Variants in EMP1 observed in about 807,000 individuals in gnomAD.
EMP1 encodes epithelial membrane protein 1, also known as tumor-associated membrane protein.
Under a neutral mutation model 15.7 loss-of-function variants are expected in EMP1, and 5 were observed. The observed-to-expected ratio is 0.32, with a 90% CI of 0.17 to 0.67. The LOEUF (loss-of-function observed/expected upper bound fraction) is 0.67, where lower values mean the gene tolerates loss of function less well. Ranked by LOEUF, EMP1 falls within the 30% of genes least tolerant of loss-of-function variation. The probability of loss-of-function intolerance (pLI) is 0.74; values close to 1 mark genes in which losing one functional copy is unlikely to be tolerated. For missense variants in EMP1, 166 were observed against 194.2 expected, an observed-to-expected ratio of 0.85 and a Z score of 0.86; for synonymous variants, 78 against 76.7, an observed-to-expected ratio of 1.02 and a Z score of -0.09.
rs374505096 is a variant in EMP1 at position 13,207,134 on chromosome 12, C to T, written c.-42-4335C>T. ...GGTTCTATTTTATTTTATTTTGAGA[C>T]GGAGTCTTGCTCTGTTGCCCAGGCT... On this transcript the variant is annotated intron_variant, in intron 1 of 4. Transcript: ENST00000256951. Among the ~76,000 whole-genome samples the T allele has an allele frequency of 3.2e-3, 482 of 152,084 alleles. 3 individuals are homozygous for T. Among genetic ancestry groups the T allele is most frequent in the African/African-American group, 0.01 (428 of 41,480 alleles).
chr12:13,199,962 TTC>T (rs1451155665), intron 1 of EMP1, among the ~76,000 whole-genome samples: 145 of 118,972 alleles, frequency 1.2e-3, no homozygotes, highest in East Asian at 9.4e-3. Flanking sequence ...CTTCTTCTTC[TTC>T]TTTTTTTTTT....
chr12:13,208,094 C>G (rs1864130357), intron 1 of EMP1, among the ~76,000 whole-genome samples: 1 of 152,172 alleles, frequency 6.6e-6, no homozygotes, highest in East Asian at 1.9e-4. Flanking sequence ...AGGGAGAAGT[C>G]TACTATTGTT....
chr12:13,212,184 A>G (rs1398658804), intron 2 of EMP1, among the ~76,000 whole-genome samples: 1 of 152,182 alleles, frequency 6.6e-6, no homozygotes, highest in Non-Finnish European at 1.5e-5. Flanking sequence ...ACCCAGTGCC[A>G]CTGAATTAAC....
At chr12:13,199,107 G>A (rs1160904016) in intron 1 of EMP1, 1 of 152,356 alleles carries the variant, frequency 6.6e-6, no homozygotes, top group African/African-American at 2.4e-5. Context: ...AAACTGTCTT[G>A]GGAGTTGGCA....
At chr12:13,202,223 G>A (rs753832600) in intron 1 of EMP1, among the ~76,000 whole-genome samples, 12 of 152,176 alleles carry the variant, frequency 7.9e-5, no homozygotes, top group Non-Finnish European at 1.3e-4. Flanking sequence ...GTCAAAATTC[G>A]ATTCTTTGTC....
intron 1 of EMP1, among the ~76,000 whole-genome samples, chr12:13,206,092 A>G (rs935821990): frequency 3.9e-5 from 6 of 152,174 alleles, no homozygotes; most frequent in African/African-American, 1.4e-4. Flanking sequence ...CCTGAACTGG[A>G]CAGTAGCAAT....
At chr12:13,205,247 AC>A (rs1864101255) in intron 1 of EMP1, among the ~76,000 whole-genome samples, 1 of 152,246 alleles carries the variant, frequency 6.6e-6, no homozygotes, top group South Asian at 2.1e-4. Flanking sequence ...AAATCTGCAG[AC>A]AAACTAGTGT....
chr12:13,205,663 C>T (rs558061261), intron 1 of EMP1, among the ~76,000 whole-genome samples: 1 of 152,310 alleles, frequency 6.6e-6, no homozygotes, highest in South Asian at 2.1e-4. Context: ...GCAAGACTCT[C>T]CCTTCAGGGA....
At position 13,218,257 on chromosome 12, in the gene EMP1, A is replaced by C. The variant is rs1428480445; in HGVS notation, c.*3566A>C. On this transcript the variant is annotated 3_prime_UTR_variant, in exon 5 of 5. Transcript: ENST00000256951. ...CCCACCGGCTTTCAGGCATGGAAAAAAATTTCACAAAGGCCTTGAAAGAAG... is the reference window on the plus strand; with the variant it reads ...CCCACCGGCTTTCAGGCATGGAAAACAATTTCACAAAGGCCTTGAAAGAAG... 6.6e-6 allele frequency: 1 copy of C among 152,226 alleles called. No individual in the cohort carries two copies. The highest frequency in any genetic ancestry group is 2.4e-5 in the African/African-American group (1 of 41,454). The allele number at this position is 152,226 out of a possible 1,614,324, so 9.4% of individuals were successfully genotyped here. A position where few individuals can be genotyped will look rare whatever the true frequency, so the allele number is the denominator to read the frequency against.
intron 1 of EMP1, among the ~76,000 whole-genome samples, chr12:13,207,277 A>G (rs768029542): frequency 6.6e-6 from 1 of 151,954 alleles, no homozygotes; most frequent in Non-Finnish European, 1.5e-5. Context: ...ACGCCCGGCT[A>G]ATTTCTTGTA....
intron 1 of EMP1, among the ~76,000 whole-genome samples, chr12:13,205,494 T>TA (rs142434766): frequency 0.047 from 6,993 of 149,206 alleles, 217 homozygotes; most frequent in Middle Eastern, 0.12. Flanking sequence ...CTATGTATGT[T>TA]AAAAAAAAAA....
chr12:13,209,020 C>T (rs763366003), intron 1 of EMP1: 7 of 152,236 alleles, frequency 4.6e-5, no homozygotes, highest in Non-Finnish European at 8.8e-5. Flanking sequence ...TCCCAACAGC[C>T]TATCAGGGAG....
chr12:13,209,189 A>G (rs1165281127), intron 1 of EMP1: 1 of 152,230 alleles, frequency 6.6e-6, no homozygotes, highest in African/African-American at 2.4e-5. Flanking sequence ...GATTAAACAT[A>G]AGTATTCGTT....
At chr12:13,206,620 G>T (rs1864112433) in intron 1 of EMP1, among the ~76,000 whole-genome samples, 1 of 152,220 alleles carries the variant, frequency 6.6e-6, no homozygotes, top group Admixed American at 6.5e-5. Context: ...AAGAATTGCT[G>T]CTGCCGCCAG....
Position 13,215,903 on chromosome 12 carries a change from A to T in EMP1, c.*1212A>T, listed in dbSNP as rs1864210898. ...TTAAGCCTACCGTATTTCAGCCATG[A>T]TAAGAACAGAGTGCCTGCATTCCCA... On this transcript the variant is annotated 3_prime_UTR_variant, in exon 5 of 5. Transcript: ENST00000256951. The T allele has an allele frequency of 6.3e-6, 1 of 159,424 alleles. No individual in the cohort carries two copies. The highest frequency in any genetic ancestry group is 1.4e-5 in the Non-Finnish European group (1 of 72,028). The allele number at this position is 159,424 out of a possible 1,614,324, so 9.9% of individuals were successfully genotyped here.
intron 2 of EMP1, among the ~76,000 whole-genome samples, chr12:13,212,349 A>G (rs1864172630): frequency 6.6e-6 from 1 of 152,204 alleles, no homozygotes; most frequent in Non-Finnish European, 1.5e-5. Context: ...CTAAAAACCA[A>G]GGCCACCAAT....
At chr12:13,199,982 G>A (rs568824419) in intron 1 of EMP1, among the ~76,000 whole-genome samples, 7 of 57,548 alleles carry the variant, frequency 1.2e-4, no homozygotes, top group Non-Finnish European at 2.3e-4. Flanking sequence ...TTTTTTTTTT[G>A]CCTAAGGCTC....
At chr12:13,209,122 G>T (rs1217721379) in intron 1 of EMP1, 1 of 152,260 alleles carries the variant, frequency 6.6e-6, no homozygotes, top group Admixed American at 6.5e-5. Context: ...TTAAGAAGAG[G>T]ATGTTTGTAA....
At chr12:13,208,682 C>T (rs1565578734) in intron 1 of EMP1, among the ~76,000 whole-genome samples, 1 of 152,250 alleles carries the variant, frequency 6.6e-6, no homozygotes, top group Non-Finnish European at 1.5e-5. Context: ...GTGTGTTTTG[C>T]ACAAGACCGC....
Sources: gnomAD v4.1 joint callset for allele counts (sites outside exome capture counted in the v4.1 genomes callset) on GRCh38, gnomAD v4.1.1 for gene constraint, MANE v1.5 for transcripts, NCBI Gene and HGNC (gene_info 2026-07-23, HGNC 2026-07-21) for gene names.